Variants in VRK3 observed in about 807,000 individuals in gnomAD.
VRK3 encodes the protein VRK serine/threonine kinase 3.
VRK3 carries 50 observed loss-of-function variants against 60.4 expected under a neutral mutation model. That is an observed-to-expected ratio of 0.83 (90% confidence interval 0.66 to 1.05). The LOEUF is 1.05. Ranked by LOEUF, VRK3 falls within the 50% of genes least tolerant of loss-of-function variation. VRK3 has a pLI of 0.00. For synonymous variants in VRK3, 246 were observed against 227.8 expected (o/e 1.08, Z -0.72); for missense variants, 549 against 585.3 (o/e 0.94, Z 0.64).
intron 1 of VRK3, among the ~76,000 whole-genome samples, chr19:50,024,104 A>AT (rs1283724699): frequency 4.6e-5 from 7 of 151,954 alleles, no homozygotes; most frequent in Admixed American, 6.6e-5. Context: ...TGCCCGGCTA[A>AT]TTTTTTTATT....
rs2076334764 is a variant in VRK3, at chr19:49,976,582, CA to C, written c.*213del. Reference sequence around the variant, plus strand: ...CTAGGACACTGGCTGAAGGGCAGGCCACCAAGATGGGGAACTTCACATTCAC... The same window carrying C: ...CTAGGACACTGGCTGAAGGGCAGGCCCCAAGATGGGGAACTTCACATTCAC... On this transcript the variant is annotated 3_prime_UTR_variant, in exon 15 of 15. Transcript: ENST00000316763. The C allele has an allele frequency of 6.5e-6, 1 of 152,750 alleles. No individual in the cohort carries two copies. The highest frequency in any genetic ancestry group is 1.5e-5 in the Non-Finnish European group (1 of 68,110). 9.5% of individuals were successfully genotyped at this position (152,750 alleles called of 1,614,324 possible). A position where few individuals can be genotyped will look rare whatever the true frequency, so the allele number is the denominator to read the frequency against.
Position 49,982,290 on chromosome 19 carries a change from T to C in VRK3, c.1218-1277A>G, listed in dbSNP as rs557286655. ...CACGAATTATTAACCATCTCAGGCT[T>C]TGGGACATCAGACAGCCCTTCAGCA... is the stretch of plus-strand genomic sequence containing the variant. On this transcript the variant is annotated intron_variant, in intron 12 of 14. Coordinates refer to ENST00000316763, the MANE Select transcript of VRK3 (RefSeq NM_016440.4). 112 of 694,432 alleles carry C rather than the reference T, an allele frequency of 1.6e-4. No individual in the cohort carries two copies. The Middle Eastern group carries it at 1.9e-3, about 11-fold the overall frequency. 43.0% of individuals were successfully genotyped at this position (694,432 alleles called of 1,614,324 possible).
chr19:49,977,024 C>T (rs2076341756), intron 14 of VRK3, among the ~76,000 whole-genome samples: 1 of 152,152 alleles, frequency 6.6e-6, no homozygotes, highest in African/African-American at 2.4e-5. Flanking sequence ...GTGTGGAAAA[C>T]AGGTGACATG....
intron 14 of VRK3, among the ~76,000 whole-genome samples, chr19:49,978,038 C>T (rs1172215950): frequency 6.6e-6 from 1 of 152,098 alleles, no homozygotes; most frequent in Admixed American, 6.5e-5. Flanking sequence ...GGAGACAGGC[C>T]GTCAAAAGGA....
rs535408286 is a variant in VRK3, at chr19:50,014,957, G to T, written c.139+1067C>A. Among the ~76,000 whole-genome samples, 6 of 152,274 alleles carry T rather than the reference G, an allele frequency of 3.9e-5. No individual in the cohort carries two copies. The South Asian group carries it at 8.3e-4, about 21-fold the overall frequency. On this transcript the variant is annotated intron_variant, in intron 3 of 14. Coordinates refer to ENST00000316763, the MANE Select transcript of VRK3 (RefSeq NM_016440.4). Reference sequence around the variant, plus strand: ...GGACCAGGGATGTGGGAGGTGCGGAGAAGGAAGTGGGCTGATACTGCACTG... The same window carrying T: ...GGACCAGGGATGTGGGAGGTGCGGATAAGGAAGTGGGCTGATACTGCACTG...
At chr19:49,979,920 G>A (rs904607037) in intron 13 of VRK3, among the ~76,000 whole-genome samples, 14 of 151,862 alleles carry the variant, frequency 9.2e-5, no homozygotes, top group Non-Finnish European at 1.9e-4. Flanking sequence ...CATGGTGGCG[G>A]GTGCCTGTAG....
intron 9 of VRK3, 35 bp downstream of exon 9, chr19:49,994,779 C>T: frequency 6.3e-7 from 1 of 1,591,258 alleles, no homozygotes; most frequent in Non-Finnish European, 8.6e-7. Context: ...TGTGCCCTCC[C>T]TGACGCGGCA....
chr19:49,988,322 C>T (rs759479081), intron 12 of VRK3, 50 bp downstream of exon 12: 5 of 1,557,996 alleles, frequency 3.2e-6, no homozygotes, highest in South Asian at 1.1e-5. Context: ...TGTCCACCTG[C>T]AGGGGTTCTG....
In VRK3 at chr19:49,979,074, T is replaced by G. The variant is rs1257738372; in HGVS notation, c.*11+9A>C. 7 of 1,588,812 alleles carry G rather than the reference T, an allele frequency of 4.4e-6. No homozygotes were observed. The highest frequency in any genetic ancestry group is 6.0e-6 in the Non-Finnish European group (7 of 1,165,332). ...GGTGAGAGGCTTAAGCCTCACAAGC[T>G]CTTCCCACCTGGATTCCACCTAGGG... On this transcript the variant is annotated intron_variant, in intron 14 of 14. Coordinates refer to ENST00000316763, the MANE Select transcript of VRK3 (RefSeq NM_016440.4).
At chr19:50,000,466 G>C (rs2076785177) in intron 6 of VRK3, 1 of 389,698 alleles carries the variant, frequency 2.6e-6, no homozygotes, top group Non-Finnish European at 4.8e-6. Flanking sequence ...CCGGTGGTAG[G>C]GGGCAGATGG....
In VRK3 at chr19:49,992,945, G is replaced by A. The variant is rs1037471919; in HGVS notation, c.878C>T (p.Ala293Val). 2 of 1,611,822 alleles carry A rather than the reference G, an allele frequency of 1.2e-6. No homozygotes were observed. The highest frequency in any genetic ancestry group is 2.7e-5 in the African/African-American group (2 of 74,914). The change falls in exon 10 of 15, where the codon GCC becomes GTC. Residue 293 changes from alanine (A) to valine (V), a missense_variant. Transcript: ENST00000316763. ...VLQVACRLLD[A>V]LEFLHENEYV... ...CTCATTCTCATGGAGGAACTCCAGG[G>A]CATCCAGCTGGGGGAAGAAGCAAGT... is the stretch of plus-strand genomic sequence containing the variant.
intron 5 of VRK3, among the ~76,000 whole-genome samples, chr19:50,006,547 T>C (rs2076895470): frequency 6.6e-6 from 1 of 151,870 alleles, no homozygotes; most frequent in South Asian, 2.1e-4. Context: ...GGCTAATTTT[T>C]TGTATTTTTA....
intron 14 of VRK3, chr19:49,978,783 T>C (rs189773101): frequency 5.5e-4 from 146 of 265,156 alleles, no homozygotes; most frequent in African/African-American, 2.7e-3. Flanking sequence ...AACAACGTCT[T>C]GATGCTATTT....
chr19:50,007,628 C>A lies in VRK3; in HGVS notation c.488G>T (p.Gly163Val), dbSNP rs753085875. 1 of 1,614,192 alleles carries A rather than the reference C, an allele frequency of 6.2e-7. No individual in the cohort carries two copies. Among genetic ancestry groups the A allele is most frequent in the Non-Finnish European group, 8.5e-7 (1 of 1,180,040 alleles). ...GAAGGACTTCAGCTTCCACTGTCGC[C>A]CACTCTTGTCTGTCAGCACTGTCCC... ...PTGTVLTDKSGRQWKLKSFQT... is the reference protein window; with the variant it reads ...PTGTVLTDKSVRQWKLKSFQT... The change falls in exon 5 of 15, where the codon GGG becomes GTG. Residue 163 changes from glycine (G) to valine (V), a missense_variant. Physicochemically the swap from Gly to Val is moderately radical, Grantham distance 109 (BLOSUM62 -3). Coordinates refer to ENST00000316763, the MANE Select transcript of VRK3 (RefSeq NM_016440.4).
rs138968500 is a variant in VRK3, at chr19:50,007,401, G to T, written c.547+168C>A. On this transcript the variant is annotated intron_variant, in intron 5 of 14. Coordinates refer to ENST00000316763, the MANE Select transcript of VRK3 (RefSeq NM_016440.4). ...GCTGCACTCATTCCCACTATTGCCC[G>T]GCCCTGCAGGTGGGTAGGTATAGAG... 3.3e-3 allele frequency among the ~76,000 whole-genome samples: 500 copies of T among 152,252 alleles called. 2 individuals carry two copies. The highest frequency in any genetic ancestry group is 0.011 in the African/African-American group (460 of 41,548).
chr19:49,990,607 A>C (rs1316327248), intron 10 of VRK3, among the ~76,000 whole-genome samples: 3 of 152,016 alleles, frequency 2.0e-5, no homozygotes, highest in Non-Finnish European at 2.9e-5. Context: ...CCCTGGGTTC[A>C]AGTGATCCTC....
chr19:49,997,171 G>C (rs2076720762), intron 7 of VRK3: 2 of 180,438 alleles, frequency 1.1e-5, no homozygotes, highest in South Asian at 1.5e-4. Flanking sequence ...TTTCAGTAGA[G>C]ATAAGGTTTT....
intron 14 of VRK3, among the ~76,000 whole-genome samples, chr19:49,977,000 T>C (rs1175094264): frequency 6.6e-6 from 1 of 152,048 alleles, no homozygotes; most frequent in Non-Finnish European, 1.5e-5. Flanking sequence ...TCCCTCCAGA[T>C]GGGAACAAGG....
At chr19:49,987,924 G>C (rs907671957) in intron 12 of VRK3, 1 of 154,962 alleles carries the variant, frequency 6.5e-6, no homozygotes, top group Non-Finnish European at 1.4e-5. Context: ...GGATGGTCTC[G>C]ATCTCCTGAC....
Sources: allele counts gnomAD v4.1 joint callset (sites outside exome capture counted in the v4.1 genomes callset), GRCh38; gene constraint gnomAD v4.1.1; transcripts MANE v1.5; gene names NCBI Gene and HGNC (gene_info 2026-07-23, HGNC 2026-07-21).